The following DMAP1 variants were observed in gnomAD, a reference collection of about 807,000 sequenced individuals.
DMAP1 encodes DNA methyltransferase 1-associated protein 1.
In DMAP1, 26 loss-of-function variants were observed where a neutral mutation model predicts 52.7. The observed-to-expected ratio is 0.49, with a 90% CI of 0.36 to 0.68. The LOEUF is 0.68. Among genes scored for constraint, DMAP1 ranks in the 30% least tolerant of loss-of-function variants. DMAP1 has a pLI of 0.00. For synonymous variants in DMAP1, 231 were observed against 246.0 expected, an observed-to-expected ratio of 0.94 and a Z score of 0.57; for missense variants, 439 against 625.2, an observed-to-expected ratio of 0.70 and a Z score of 3.18.
At position 44,213,504 on chromosome 1, in the gene DMAP1, G is replaced by T. The variant is rs1352189399; in HGVS notation, c.-250G>T. On this transcript the variant is annotated 5_prime_UTR_variant, in exon 1 of 10. Coordinates refer to ENST00000372289, the MANE Select transcript of DMAP1 (RefSeq NM_019100.5). The surrounding 1 kb of genome is among the most constrained non-coding windows in gnomAD (Gnocchi z 4.5). Reference sequence around the variant, plus strand: ...TTTGCGGGGACGGGGGAGTGGTAGTGGGGGCTGCAGCTGCCGGACCCAGGT... The same window carrying T: ...TTTGCGGGGACGGGGGAGTGGTAGTTGGGGCTGCAGCTGCCGGACCCAGGT... 4.3e-6 allele frequency: 2 copies of T among 463,772 alleles called. No individual in the cohort carries two copies. Among genetic ancestry groups the T allele is most frequent in the Non-Finnish European group, 7.8e-6 (2 of 256,582 alleles). The allele number at this position is 463,772 out of a possible 1,614,324, so 28.7% of individuals were successfully genotyped here.
In DMAP1 at chr1:44,218,064, C is replaced by A; in HGVS notation, c.394-247C>A. 5.0e-6 allele frequency: 3 copies of A among 598,520 alleles called. No homozygotes were observed. Among genetic ancestry groups the A allele is most frequent in the Non-Finnish European group, 9.1e-6 (3 of 329,108 alleles). The allele number at this position is 598,520 out of a possible 1,614,324, so 37.1% of individuals were successfully genotyped here. ...TAACTATGGGGGCAGGAGTGTGTGT[C>A]CCATGACTGAGGCTCTGGAGCTGGA... On this transcript the variant is annotated intron_variant, in intron 3 of 9. Coordinates refer to ENST00000372289, the MANE Select transcript of DMAP1 (RefSeq NM_019100.5). This position sits in a 1 kb window ranked among gnomAD's most constrained non-coding sequence, Gnocchi z 5.6.
chr1:44,218,669 G>T lies in DMAP1; in HGVS notation c.634G>T (p.Asp212Tyr). 3 of 1,614,044 alleles carry T rather than the reference G, an allele frequency of 1.9e-6. No homozygotes were observed. Among genetic ancestry groups the T allele is most frequent in the Non-Finnish European group, 8.5e-7 (1 of 1,179,926 alleles). Residue 212 changes from aspartate (D) to tyrosine (Y), a missense_variant, in exon 5 of 10, where the codon GAC becomes TAC. Asp to Tyr is a radical substitution (Grantham distance 160). This residue lies in a region of DMAP1 where 142 missense variants were observed against 149.5 expected (regional missense o/e 0.95). Transcript: ENST00000372289. This position sits in a 1 kb window ranked among gnomAD's most constrained non-coding sequence, Gnocchi z 5.6. The stretch of plus-strand genomic sequence containing the variant: ...CAACGTGCGGGCTGTGCCAGGCACA[G>T]ACCTTAAGATACCAGTATTTGATGC... ...LANVRAVPGT[D>Y]LKIPVFDAGH...
chr1:44,219,895 G>A lies in DMAP1; in HGVS notation c.1051+17G>A, dbSNP rs1557757025. Reference sequence around the variant, plus strand: ...TTGGTGTGGGTGAGTGTGGGGACTGGGCCCCATAGGGTGTACCCACCCGAG... The same window carrying A: ...TTGGTGTGGGTGAGTGTGGGGACTGAGCCCCATAGGGTGTACCCACCCGAG... On this transcript the variant is annotated intron_variant, in intron 8 of 9. Coordinates refer to ENST00000372289, the MANE Select transcript of DMAP1 (RefSeq NM_019100.5). 6.2e-7 allele frequency: 1 copy of A among 1,614,008 alleles called. No homozygotes were observed. Among genetic ancestry groups the A allele is most frequent in the Non-Finnish European group, 8.5e-7 (1 of 1,180,024 alleles).
chr1:44,219,281 C>T (rs1643858739), intron 6 of DMAP1, 40 bp downstream of exon 6: 6 of 1,595,932 alleles, frequency 3.8e-6, no homozygotes, highest in East Asian at 2.2e-5. Flanking sequence ...GTGGAAGGGT[C>T]ACCTGGCACA....
At position 44,218,641 on chromosome 1, in the gene DMAP1, T is replaced by G. The variant is rs1186026363; in HGVS notation, c.606T>G (p.Leu202=). The change falls in exon 5 of 10, where the codon CTT becomes CTG. Residue 202 remains leucine, a synonymous_variant. Coordinates refer to ENST00000372289, the MANE Select transcript of DMAP1 (RefSeq NM_019100.5). This position sits in a 1 kb window ranked among gnomAD's most constrained non-coding sequence, Gnocchi z 5.6. Reference sequence around the variant, plus strand: ...GGTACTACCACATCTGTGCTAAGCTTGCCAACGTGCGGGCTGTGCCAGGCA... The same window carrying G: ...GGTACTACCACATCTGTGCTAAGCTGGCCAACGTGCGGGCTGTGCCAGGCA... ...KERYYHICAK[L]ANVRAVPGTD... is the part of the protein sequence containing the mutation. 1 of 1,613,940 alleles carries G rather than the reference T, an allele frequency of 6.2e-7. No homozygotes were observed. Among genetic ancestry groups the G allele is most frequent in the South Asian group, 1.1e-5 (1 of 91,082 alleles).
chr1:44,214,718 G>C lies in DMAP1; in HGVS notation c.213G>C (p.Leu71=), dbSNP rs548182052. 1.9e-6 allele frequency: 3 copies of C among 1,611,600 alleles called. No homozygotes were observed. Among genetic ancestry groups the C allele is most frequent in the Non-Finnish European group, 2.5e-6 (3 of 1,178,084 alleles). The change falls in exon 3 of 10, where the codon CTG becomes CTC. Residue 71 remains leucine, a synonymous_variant. Transcript: ENST00000372289. Reference sequence around the variant, plus strand: ...TCCCTGCCAGGGATGCACCCCCACTGCTACCCAGTGACACTGGCCAGGGAT... The same window carrying C: ...TCCCTGCCAGGGATGCACCCCCACTCCTACCCAGTGACACTGGCCAGGGAT... ...LYSDKKDAPP[L]LPSDTGQGYR...
chr1:44,214,539 C>A, intron 2 of DMAP1, 98 bp downstream of exon 2: 1 of 1,612,848 alleles, frequency 6.2e-7, no homozygotes, highest in Non-Finnish European at 8.5e-7. Flanking sequence ...TCCTCCCCAG[C>A]AAGGGCTCCT....
Position 44,213,852 on chromosome 1 carries a change from G to A in DMAP1, c.99G>A (p.Pro33=). 2 of 1,582,724 alleles carry A rather than the reference G, an allele frequency of 1.3e-6. No homozygotes were observed. The highest frequency in any genetic ancestry group is 1.8e-5 in the Admixed American group (1 of 55,674). ...TCAGCAAGAAGGACATTATCAACCC[G>A]GACAAGGTAGCAGGGGCACCTGAAA... ...GTISKKDIIN[P]DKKKSKKSSE... The change falls in exon 1 of 10, where the codon CCG becomes CCA. Residue 33 remains proline (P), a synonymous_variant. Transcript: ENST00000372289. This position sits in a 1 kb window ranked among gnomAD's most constrained non-coding sequence, Gnocchi z 4.5.
At chr1:44,215,283 ATC>A (rs1468343887) in intron 3 of DMAP1, 5 of 461,312 alleles carry the variant, frequency 1.1e-5, no homozygotes, top group Non-Finnish European at 2.2e-5. Flanking sequence ...ATTTACTAAT[ATC>A]TCTTTCTCAA....
At chr1:44,220,362 T>C (rs1643879446) in intron 9 of DMAP1, 53 bp downstream of exon 9, 2 of 1,518,086 alleles carry the variant, frequency 1.3e-6, no homozygotes, top group African/African-American at 1.4e-5. Context: ...AGTGAGCACA[T>C]GCACATGGGT....
chr1:44,214,336 GT>G lies in DMAP1; in HGVS notation c.106-11del. The G allele has an allele frequency of 6.2e-7, 1 of 1,613,062 alleles. No individual in the cohort carries two copies. Among genetic ancestry groups the G allele is most frequent in the Non-Finnish European group, 8.5e-7 (1 of 1,179,520 alleles). Reference sequence around the variant, plus strand: ...GTCTAGGTTGTGGTTCCTTTCTGTGGTTTCCTTCCTCAGAAAAAATCCAAGA... The same window carrying G: ...GTCTAGGTTGTGGTTCCTTTCTGTGGTTCCTTCCTCAGAAAAAATCCAAGA... On this transcript the variant is annotated splice_polypyrimidine_tract_variant and intron_variant, in intron 1 of 9. Coordinates refer to ENST00000372289, the MANE Select transcript of DMAP1 (RefSeq NM_019100.5).
chr1:44,220,291 A>G lies in DMAP1; in HGVS notation c.1326A>G (p.Ala442=), dbSNP rs749452158. The change falls in exon 9 of 10, where the codon GCA becomes GCG. Residue 442 remains alanine, a synonymous_variant. Transcript: ENST00000372289. ...ACACCATCATTGATGTGGTGGGCGC[A>G]CCCCTCACGCCCAATTCGGTAAGAG... ...PKDTIIDVVG[A]PLTPNSRKRR... 14 of 1,549,270 alleles carry G rather than the reference A, an allele frequency of 9.0e-6. No homozygotes were observed. In the African/African-American group the frequency reaches 1.6e-4, roughly 18 times the overall value.
Position 44,219,425 on chromosome 1 carries a change from G to C in DMAP1, c.926G>C (p.Gly309Ala). The change falls in exon 7 of 10, where the codon GGC becomes GCC. Residue 309 changes from glycine (G) to alanine (A), a missense_variant. Physicochemically the swap from Gly to Ala is moderately conservative, Grantham distance 60. This residue lies in a region of DMAP1 where 179 missense variants were observed against 285.9 expected (regional missense o/e 0.63). Coordinates refer to ENST00000372289, the MANE Select transcript of DMAP1 (RefSeq NM_019100.5). ...AEKPAVPETA[G>A]IKFPDFKSAG... ...CCCCAGGCTGTTCCTGAGACTGCAG[G>C]CATCAAGTTTCCAGACTTCAAGTCT... is the stretch of plus-strand genomic sequence containing the variant. The C allele has an allele frequency of 6.3e-7, 1 of 1,591,818 alleles. No individual in the cohort carries two copies. Among genetic ancestry groups the C allele is most frequent in the Non-Finnish European group, 8.5e-7 (1 of 1,171,544 alleles).
chr1:44,219,492 TC>T lies in DMAP1; in HGVS notation c.978+17del. 1.9e-6 allele frequency: 3 copies of T among 1,557,716 alleles called. No homozygotes were observed. Among genetic ancestry groups the T allele is most frequent in the Non-Finnish European group, 2.6e-6 (3 of 1,157,804 alleles). ...GGAGCCAACGGGTACGTGAGTCACC[TC>T]CTTTAGCAAGTTTGGGTCCTGGGCT... On this transcript the variant is annotated intron_variant, in intron 7 of 9. Transcript: ENST00000372289.
Position 44,213,586 on chromosome 1 carries a change from G to A in DMAP1, c.-168G>A. 1 of 580,844 alleles carries A rather than the reference G, an allele frequency of 1.7e-6. No individual in the cohort carries two copies. Among genetic ancestry groups the A allele is most frequent in the East Asian group, 3.1e-5 (1 of 32,434 alleles). The allele number at this position is 580,844 out of a possible 1,614,324, so 36.0% of individuals were successfully genotyped here. A position where few individuals can be genotyped will look rare whatever the true frequency, so the allele number is the denominator to read the frequency against. ...GGCCGTTAGGAACATCCAAGCGGTG[G>A]GGCACAGGCAGATCCCCGACCTGAC... On this transcript the variant is annotated 5_prime_UTR_variant, in exon 1 of 10. Transcript: ENST00000372289. This position sits in a 1 kb window ranked among gnomAD's most constrained non-coding sequence, Gnocchi z 4.5.
intron 3 of DMAP1, chr1:44,215,614 C>T: frequency 3.3e-6 from 1 of 306,494 alleles, no homozygotes; most frequent in South Asian, 2.9e-5. Context: ...AAAGAGTGAA[C>T]TTGTAGGTGT....
At position 44,218,730 on chromosome 1, in the gene DMAP1, G is replaced by A. The variant is rs376305922; in HGVS notation, c.695G>A (p.Arg232His). The stretch of plus-strand genomic sequence containing the variant: ...CGACGGCGGAAGGAACAGCTTGAGC[G>A]TCTCTACAACCGGACCCCAGAGCAG... ...HERRRKEQLE[R>H]LYNRTPEQVA... The change falls in exon 5 of 10, where the codon CGT becomes CAT. Residue 232 changes from arginine to histidine, a missense_variant. Arg to His is a conservative substitution (Grantham distance 29). Coordinates refer to ENST00000372289, the MANE Select transcript of DMAP1 (RefSeq NM_019100.5). The surrounding 1 kb of genome is among the most constrained non-coding windows in gnomAD (Gnocchi z 5.6). The A allele has an allele frequency of 4.3e-5, 69 of 1,611,528 alleles. No individual in the cohort carries two copies. Among genetic ancestry groups the A allele is most frequent in the Non-Finnish European group, 5.3e-5 (63 of 1,178,302 alleles).
chr1:44,218,614 G>A lies in DMAP1; in HGVS notation c.579G>A (p.Glu193=), dbSNP rs947256201. 6 of 1,611,996 alleles carry A rather than the reference G, an allele frequency of 3.7e-6. No homozygotes were observed. Among genetic ancestry groups the A allele is most frequent in the Admixed American group, 1.7e-5 (1 of 59,942 alleles). The part of the protein sequence containing the change: ...FKKRSVEDLK[E]RYYHICAKLA... ...AGCGTTCTGTGGAAGACCTGAAGGA[G>A]CGGTACTACCACATCTGTGCTAAGC... Residue 193 remains glutamate, a synonymous_variant, in exon 5 of 10, where the codon GAG becomes GAA. Coordinates refer to ENST00000372289, the MANE Select transcript of DMAP1 (RefSeq NM_019100.5). The surrounding 1 kb of genome is among the most constrained non-coding windows in gnomAD (Gnocchi z 5.6).
intron 3 of DMAP1, chr1:44,216,817 TTGTA>T (rs1643803524): frequency 6.6e-6 from 1 of 152,284 alleles, no homozygotes; most frequent in African/African-American, 2.4e-5. Context: ...GGTCATTTAT[TTGTA>T]TGTTCATTAA....
Sources: gnomAD v4.1 joint callset for allele counts on GRCh38, gnomAD v4.1.1 for gene constraint, gnomAD v4.1.1 regional missense constraint, Gnocchi (gnomAD v3.1) non-coding constraint, MANE v1.5 for transcripts, NCBI Gene and HGNC (gene_info 2026-07-23, HGNC 2026-07-21) for gene names.